The following DMXL1 variants were observed in gnomAD, a reference collection of about 807,000 sequenced individuals.
DMXL1 encodes dmX-like protein 1.
DMXL1 carries 99 observed loss-of-function variants against 319.2 expected under a neutral mutation model. The ratio of observed to expected loss-of-function variants is 0.31; its 90% CI spans 0.26 to 0.37. The LOEUF is 0.37. Among genes scored for constraint, DMXL1 ranks in the 10% least tolerant of loss-of-function variants. The pLI is 1.00. For synonymous variants in DMXL1, 1,385 were observed against 1,235.2 expected, an observed-to-expected ratio of 1.12 and a Z score of -2.54; for missense variants, 3,745 against 3,595.6, an observed-to-expected ratio of 1.04 and a Z score of -1.06.
chr5:119,112,814 A>G (rs1580768727), intron 5 of DMXL1, among the ~76,000 whole-genome samples: 1 of 152,156 alleles, frequency 6.6e-6, no homozygotes, highest in East Asian at 1.9e-4. Context: ...AAAATTAGCC[A>G]GGCGTGGTGG....
chr5:119,073,262 A>T (rs962154912), intron 1 of DMXL1, among the ~76,000 whole-genome samples: 6 of 152,058 alleles, frequency 3.9e-5, no homozygotes, highest in Non-Finnish European at 7.4e-5. Context: ...GGGTCTCCTT[A>T]TGTTGCCCAG....
chr5:119,106,263 A>C lies in DMXL1; in HGVS notation c.364+1005A>C, dbSNP rs532782806. Among the ~76,000 whole-genome samples the C allele has an allele frequency of 2.0e-5, 3 of 152,310 alleles. No homozygotes were observed. In the South Asian group the frequency reaches 6.2e-4, roughly 32 times the overall value. On this transcript the variant is annotated intron_variant, in intron 4 of 43. Coordinates refer to ENST00000539542, the MANE Select transcript of DMXL1 (RefSeq NM_001290321.3). ...TTCTGAGAGTGAAAGTAGAAGCTGC[A>C]AGGAAGTCCCAGAATGTTATTGCTG...
intron 1 of DMXL1, among the ~76,000 whole-genome samples, chr5:119,086,411 G>T (rs1375543473): frequency 6.6e-6 from 1 of 152,210 alleles, no homozygotes; most frequent in Non-Finnish European, 1.5e-5. Context: ...TTATCATGGT[G>T]AATGATCTTT....
At chr5:119,208,299 C>T (rs180766562) in intron 34 of DMXL1, among the ~76,000 whole-genome samples, 22 of 151,278 alleles carry the variant, frequency 1.5e-4, no homozygotes, top group African/African-American at 4.6e-4. Flanking sequence ...CTGCAAGCTC[C>T]GCCTCCCGGG....
chr5:119,138,026 A>T (rs1766420084), intron 13 of DMXL1, among the ~76,000 whole-genome samples: 1 of 152,192 alleles, frequency 6.6e-6, no homozygotes, highest in African/African-American at 2.4e-5. Context: ...GTATGAAATG[A>T]TTTAGGTTTT....
chr5:119,143,597 T>C (rs1174416608), intron 13 of DMXL1, among the ~76,000 whole-genome samples: 2 of 152,050 alleles, frequency 1.3e-5, no homozygotes, highest in Admixed American at 6.6e-5. Context: ...ATGTAATTTT[T>C]TTCCTTAACA....
chr5:119,214,188 G>C (rs1414013079), intron 34 of DMXL1, among the ~76,000 whole-genome samples: 3 of 152,084 alleles, frequency 2.0e-5, no homozygotes, highest in African/African-American at 7.2e-5. Flanking sequence ...GTCCATCTCA[G>C]TAAATGGTAC....
chr5:119,229,722 G>T (rs1786306857), intron 38 of DMXL1, among the ~76,000 whole-genome samples: 1 of 152,034 alleles, frequency 6.6e-6, no homozygotes, highest in Non-Finnish European at 1.5e-5. Flanking sequence ...TACATATATT[G>T]ATTAGAATTC....
chr5:119,116,003 G>A (rs535803662), intron 6 of DMXL1, among the ~76,000 whole-genome samples, 155 bp from the exon 7 acceptor site: 1 of 152,176 alleles, frequency 6.6e-6, no homozygotes, highest in Non-Finnish European at 1.5e-5. Flanking sequence ...TAATAGAAAA[G>A]TGCCAGAATC....
In DMXL1 at chr5:119,129,418, A is replaced by G. The variant is rs759321319; in HGVS notation, c.1310A>G (p.Asp437Gly). 1.2e-6 allele frequency: 2 copies of G among 1,600,910 alleles called. No individual in the cohort carries two copies. The highest frequency in any genetic ancestry group is 4.5e-5 in the East Asian group (2 of 44,692). ...EDSNQADVKS[D>G]EETDDGVDDL... is the part of the protein sequence containing the mutation. ...TCTAATCAGGCAGATGTAAAATCTG[A>G]TGAAGGTAAACTTTAAGAGGAAAGG... Residue 437 changes from aspartate (D) to glycine (G), a missense_variant, in exon 10 of 44, where the codon GAT becomes GGT. Physicochemically the swap from Asp to Gly is moderately conservative, Grantham distance 94. Coordinates refer to ENST00000539542, the MANE Select transcript of DMXL1 (RefSeq NM_001290321.3).
chr5:119,082,076 C>T (rs998213137), intron 1 of DMXL1, among the ~76,000 whole-genome samples: 3 of 147,744 alleles, frequency 2.0e-5, no homozygotes, highest in Non-Finnish European at 4.5e-5. Flanking sequence ...TATACATGTT[C>T]TTAGAATGTT....
chr5:119,241,534 C>CAAAAAA (rs35739845), intron 42 of DMXL1, among the ~76,000 whole-genome samples: 2 of 57,570 alleles, frequency 3.5e-5, no homozygotes, highest in Non-Finnish European at 7.6e-5. Context: ...GACTCCGTCT[C>CAAAAAA]AAAAAAAAAA....
At chr5:119,167,030 T>A (rs1773568176) in intron 22 of DMXL1, among the ~76,000 whole-genome samples, 1 of 152,172 alleles carries the variant, frequency 6.6e-6, no homozygotes, top group Non-Finnish European at 1.5e-5. Context: ...ATTTGACTCT[T>A]GAGAATATTC....
intron 14 of DMXL1, 141 bp from the exon 15 acceptor site, chr5:119,144,395 G>A: frequency 1.6e-6 from 1 of 612,140 alleles, no homozygotes; most frequent in Non-Finnish European, 2.9e-6. Context: ...TAATGGAGGT[G>A]CCATACGCTT....
chr5:119,139,521 G>A (rs1766805807), intron 13 of DMXL1, among the ~76,000 whole-genome samples: 1 of 152,152 alleles, frequency 6.6e-6, no homozygotes, highest in South Asian at 2.1e-4. Context: ...ATTAGAAAAA[G>A]ACAAAGAAGG....
At chr5:119,128,085 A>G (rs1041912010) in intron 9 of DMXL1, 15 of 468,732 alleles carry the variant, frequency 3.2e-5, no homozygotes, top group Non-Finnish European at 5.5e-5. Flanking sequence ...AACAATTACT[A>G]TTACCCATTG....
rs542169157 is a variant in DMXL1, at chr5:119,089,546, G to A, written c.88-8433G>A. On this transcript the variant is annotated intron_variant, in intron 1 of 43. Coordinates refer to ENST00000539542, the MANE Select transcript of DMXL1 (RefSeq NM_001290321.3). ...TGGTCTCAAACTCCTGGCCTCAAGT[G>A]ATCTACCCACCTTGGCCTCCCAAAG... Among the ~76,000 whole-genome samples the A allele has an allele frequency of 1.3e-4, 20 of 150,144 alleles. 1 individual carries two copies. In the South Asian group the frequency reaches 4.2e-3, roughly 32 times the overall value.
chr5:119,141,286 A>T (rs1767283586), intron 13 of DMXL1, among the ~76,000 whole-genome samples: 1 of 152,182 alleles, frequency 6.6e-6, no homozygotes, highest in African/African-American at 2.4e-5. Flanking sequence ...AAAGGCATCT[A>T]AATAGGAAGA....
At chr5:119,113,508 T>C (rs577711096) in intron 5 of DMXL1, among the ~76,000 whole-genome samples, 100 of 152,364 alleles carry the variant, frequency 6.6e-4, no homozygotes, top group Non-Finnish European at 1.2e-3. Flanking sequence ...CCCAAGGTGC[T>C]GGGATTACAG....
Sources: gnomAD v4.1 joint callset for allele counts (sites outside exome capture counted in the v4.1 genomes callset) on GRCh38, gnomAD v4.1.1 for gene constraint, MANE v1.5 for transcripts, NCBI Gene and HGNC (gene_info 2026-07-23, HGNC 2026-07-21) for gene names.